CSNK1E: variants seen among roughly 807,000 people sequenced by gnomAD.
The protein encoded by CSNK1E is casein kinase 1 epsilon, also known as casein kinase I isoform epsilon.
CSNK1E carries 17 observed loss-of-function variants against 46.1 expected under a neutral mutation model. That is an observed-to-expected ratio of 0.37 (90% confidence interval 0.25 to 0.55). CSNK1E has a LOEUF of 0.55. Among genes scored for constraint, CSNK1E ranks in the 20% least tolerant of loss-of-function variants. The pLI is 0.82. For synonymous variants in CSNK1E, 241 were observed against 242.6 expected (o/e 0.99, Z 0.06); for missense variants, 386 against 595.4 (o/e 0.65, Z 3.66).
intron 7 of CSNK1E, chr22:38,296,358 G>A: frequency 1.4e-6 from 2 of 1,389,606 alleles, no homozygotes; most frequent in South Asian, 3.3e-5. Flanking sequence ...GGCTGTATGT[G>A]CTGAGAGTGG....
chr22:38,314,428 CCT>C (rs2092734585), intron 1 of CSNK1E, among the ~76,000 whole-genome samples: 2 of 152,160 alleles, frequency 1.3e-5, no homozygotes, highest in South Asian at 4.1e-4. Flanking sequence ...TTCAGGGGCC[CCT>C]CAAAAGAAGC....
rs2092654911 is a variant in CSNK1E at position 38,298,733 on chromosome 22, AG to A, written c.885+52del. On this transcript the variant is annotated intron_variant, in intron 7 of 10. Transcript: ENST00000396832. The surrounding 1 kb of genome is among the most constrained non-coding windows in gnomAD (Gnocchi z 4.2). ...CCAGCTCACTCTGGCCCTCTGAGTC[AG>A]GGCCTTCCCCATCCAGTCCCCCAAG... is the stretch of plus-strand genomic sequence containing the variant. 8 of 1,606,318 alleles carry A rather than the reference AG, an allele frequency of 5.0e-6. No homozygotes were observed. The highest frequency in any genetic ancestry group is 6.8e-6 in the Non-Finnish European group (8 of 1,174,876).
chr22:38,303,706 G>C lies in CSNK1E; in HGVS notation c.77-458C>G, dbSNP rs2145839970. Among the ~76,000 whole-genome samples, 1 of 152,306 alleles carries C rather than the reference G, an allele frequency of 6.6e-6. No individual in the cohort carries two copies. The highest frequency in any genetic ancestry group is 1.9e-4 in the East Asian group (1 of 5,186). On this transcript the variant is annotated intron_variant, in intron 2 of 10. Transcript: ENST00000396832. This position sits in a 1 kb window ranked among gnomAD's most constrained non-coding sequence, Gnocchi z 4.7. ...ACCCTGGCCTACAGGATGAGGATGGGACAGCCGCAGCAACCCCTCAGTCAA... is the reference window on the plus strand; with the variant it reads ...ACCCTGGCCTACAGGATGAGGATGGCACAGCCGCAGCAACCCCTCAGTCAA...
In CSNK1E at chr22:38,300,638, T is replaced by C. The variant is rs979742659; in HGVS notation, c.565+86A>G. ...CTAGAAAAGAGCCTGGGGGCCTCCA[T>C]CAGGGTAGGGGGTGAGAGGGCTCCA... On this transcript the variant is annotated intron_variant, in intron 5 of 10. Transcript: ENST00000396832. This position sits in a 1 kb window ranked among gnomAD's most constrained non-coding sequence, Gnocchi z 4.4. The C allele has an allele frequency of 1.4e-5, 19 of 1,313,416 alleles. No homozygotes were observed. Among genetic ancestry groups the C allele is most frequent in the Non-Finnish European group, 3.2e-6 (3 of 938,524 alleles). 81.4% of individuals were successfully genotyped at this position (1,313,416 alleles called of 1,614,324 possible).
At chr22:38,314,206 GGGGA>G (rs1463587497) in intron 1 of CSNK1E, 37 bp from the exon 2 acceptor site, 1 of 1,570,502 alleles carries the variant, frequency 6.4e-7, no homozygotes, top group African/African-American at 1.4e-5. Context: ...TCAGCGACGT[GGGGA>G]GCCGGGAAAG....
In CSNK1E at chr22:38,300,787, G is replaced by A; in HGVS notation, c.502C>T (p.Arg168Trp). 4.3e-6 allele frequency: 7 copies of A among 1,614,220 alleles called. No homozygotes were observed. Among genetic ancestry groups the A allele is most frequent in the African/African-American group, 1.3e-5 (1 of 75,052 alleles). The part of the protein sequence containing the change: ...DARTHQHIPY[R>W]ENKNLTGTAR... ...GTGCCGGTCAGGTTCTTGTTTTCCC[G>A]GTAGGGAATGTGCTGGTGGGTGCGG... is the stretch of plus-strand genomic sequence containing the variant. Residue 168 changes from arginine (R) to tryptophan (W), a missense_variant, in exon 5 of 11, where the codon CGG becomes TGG. Arg to Trp is a moderately radical substitution (Grantham distance 101). Coordinates refer to ENST00000396832, the MANE Select transcript of CSNK1E (RefSeq NM_152221.3). The surrounding 1 kb of genome is among the most constrained non-coding windows in gnomAD (Gnocchi z 4.4).
chr22:38,301,327 G>C (rs2092670942), intron 4 of CSNK1E, among the ~76,000 whole-genome samples: 1 of 152,208 alleles, frequency 6.6e-6, no homozygotes, highest in African/African-American at 2.4e-5. Flanking sequence ...GGGGCAGGCA[G>C]GGAACATGGG....
At chr22:38,301,088 G>T in intron 4 of CSNK1E, 136 bp from the exon 5 acceptor site, 1 of 705,686 alleles carries the variant, frequency 1.4e-6, no homozygotes, top group Non-Finnish European at 2.4e-6. Context: ...TAACTAAGGG[G>T]CAGGCCAGAG....
chr22:38,297,596 C>T, intron 7 of CSNK1E: 1 of 998,124 alleles, frequency 1.0e-6, no homozygotes, highest in Non-Finnish European at 1.2e-6. Context: ...AAGAGGCACA[C>T]CAGGATGAAG....
intron 4 of CSNK1E, among the ~76,000 whole-genome samples, chr22:38,302,171 C>A (rs1173603299): frequency 1.3e-5 from 2 of 152,116 alleles, no homozygotes; most frequent in Non-Finnish European, 2.9e-5. Context: ...TGGAACAGGA[C>A]CAGGTCTGTG....
chr22:38,298,742 C>T lies in CSNK1E; in HGVS notation c.885+44G>A, dbSNP rs372434040. 1.9e-5 allele frequency: 30 copies of T among 1,611,088 alleles called. No individual in the cohort carries two copies. Among genetic ancestry groups the T allele is most frequent in the African/African-American group, 2.7e-5 (2 of 74,878 alleles). ...TCTGGCCCTCTGAGTCAGGGCCTTC[C>T]CCATCCAGTCCCCCAAGCCCGCCTT... On this transcript the variant is annotated intron_variant, in intron 7 of 10. Coordinates refer to ENST00000396832, the MANE Select transcript of CSNK1E (RefSeq NM_152221.3). This position sits in a 1 kb window ranked among gnomAD's most constrained non-coding sequence, Gnocchi z 4.2.
chr22:38,293,039 T>C (rs1436345743), intron 10 of CSNK1E: 8 of 561,098 alleles, frequency 1.4e-5, no homozygotes, highest in Admixed American at 3.2e-5. Flanking sequence ...AACTAATCCA[T>C]GAGGGGTCAG....
At chr22:38,301,610 T>C (rs2092673005) in intron 4 of CSNK1E, among the ~76,000 whole-genome samples, 1 of 152,104 alleles carries the variant, frequency 6.6e-6, no homozygotes, top group Non-Finnish European at 1.5e-5. Flanking sequence ...TTTTTTGTAT[T>C]TTTAGCAGAG....
At chr22:38,295,813 A>T (rs1602541894) in intron 7 of CSNK1E, among the ~76,000 whole-genome samples, 1 of 152,232 alleles carries the variant, frequency 6.6e-6, no homozygotes, top group East Asian at 1.9e-4. Flanking sequence ...GAAGCCTCTC[A>T]GGCAGGCCTG....
intron 7 of CSNK1E, chr22:38,296,317 C>T (rs1602542436): frequency 7.5e-7 from 1 of 1,324,828 alleles, no homozygotes; most frequent in East Asian, 3.1e-5. Context: ...GAATTCCTTC[C>T]CGGCCAGCTG....
In CSNK1E at chr22:38,294,520, AT is replaced by A; in HGVS notation, c.899del (p.Asn300IlefsTer77). 1 of 1,592,756 alleles carries A rather than the reference AT, an allele frequency of 6.3e-7. No homozygotes were observed. The highest frequency in any genetic ancestry group is 8.5e-7 in the Non-Finnish European group (1 of 1,170,744). ...GCCGCTCCCGGTCCACATCCTCGGG[AT>A]TCCGGGCTGCACCCTGCAGGGATGC... ...WNMLKFGAAR[N>X]PEDVDRERRE... On this transcript the variant is annotated frameshift_variant, in exon 8 of 11. Coordinates refer to ENST00000396832, the MANE Select transcript of CSNK1E (RefSeq NM_152221.3). LOFTEE classifies it high-confidence loss of function. The surrounding 1 kb of genome is among the most constrained non-coding windows in gnomAD (Gnocchi z 5.5).
chr22:38,298,684 G>A lies in CSNK1E; in HGVS notation c.885+102C>T, dbSNP rs993402046. The A allele has an allele frequency of 4.5e-5, 61 of 1,366,770 alleles. No homozygotes were observed. The highest frequency in any genetic ancestry group is 1.0e-4 in the African/African-American group (7 of 70,076). The allele number at this position is 1,366,770 out of a possible 1,614,324, so 84.7% of individuals were successfully genotyped here. A position where few individuals can be genotyped will look rare whatever the true frequency, so the allele number is the denominator to read the frequency against. On this transcript the variant is annotated intron_variant, in intron 7 of 10. Coordinates refer to ENST00000396832, the MANE Select transcript of CSNK1E (RefSeq NM_152221.3). The surrounding 1 kb of genome is among the most constrained non-coding windows in gnomAD (Gnocchi z 4.2). ...CCACACTGTCCAGCTCGTACCTCCCGTCTGTCGGGAGCCCCTCCCGCCACC... is the reference window on the plus strand; with the variant it reads ...CCACACTGTCCAGCTCGTACCTCCCATCTGTCGGGAGCCCCTCCCGCCACC...
chr22:38,296,825 A>T, intron 7 of CSNK1E: 6 of 1,032,796 alleles, frequency 5.8e-6, no homozygotes, highest in South Asian at 1.6e-5. Flanking sequence ...TGGCCACTGG[A>T]GGGCAGTGGC....
Position 38,298,863 on chromosome 22 carries a change from G to A in CSNK1E, c.808C>T (p.Arg270Cys), listed in dbSNP as rs775283367. The A allele has an allele frequency of 2.5e-6, 4 of 1,614,194 alleles. No homozygotes were observed. The highest frequency in any genetic ancestry group is 3.4e-6 in the Non-Finnish European group (4 of 1,180,014). ...TGGAAGAGGTTGCGGAAGAGCTGAC[G>A]TAGGTAAGAGTAGTCGGGCTTGTCG... ...FDDKPDYSYL[R>C]QLFRNLFHRQ... The change falls in exon 7 of 11, where the codon CGT (arginine) becomes TGT (cysteine). Residue 270 changes from arginine to cysteine, a missense_variant. Arg to Cys is a radical substitution (Grantham distance 180, BLOSUM62 -3). Around this residue, in one of 2 missense-constraint regions of CSNK1E, gnomAD observed 212 missense variants for 410.2 expected, o/e 0.52. Coordinates refer to ENST00000396832, the MANE Select transcript of CSNK1E (RefSeq NM_152221.3). The surrounding 1 kb of genome is among the most constrained non-coding windows in gnomAD (Gnocchi z 4.2).
Sources: allele counts gnomAD v4.1 joint callset (sites outside exome capture counted in the v4.1 genomes callset), GRCh38; gene constraint gnomAD v4.1.1; regional missense constraint gnomAD v4.1.1; non-coding constraint Gnocchi (gnomAD v3.1); transcripts MANE v1.5; gene names NCBI Gene and HGNC (gene_info 2026-07-23, HGNC 2026-07-21).